SPATA2: variants seen among roughly 807,000 people sequenced by gnomAD.
The protein encoded by SPATA2 is spermatogenesis associated 2.
SPATA2 carries 8 observed loss-of-function variants against 35.4 expected under a neutral mutation model. The ratio of observed to expected loss-of-function variants is 0.23; its 90% confidence interval spans 0.13 to 0.41. The LOEUF (loss-of-function observed/expected upper bound fraction) is 0.41, where lower values mean the gene tolerates loss of function less well. Ranked by LOEUF, SPATA2 falls within the 10% of genes least tolerant of loss-of-function variation. The pLI is 1.00. For synonymous variants in SPATA2, 293 were observed against 300.9 expected (o/e 0.97, Z 0.27); for missense variants, 650 against 698.7 (o/e 0.93, Z 0.79).
Position 49,905,551 on chromosome 20 carries a change from A to C in SPATA2, c.*68T>G. On this transcript the variant is annotated 3_prime_UTR_variant, in exon 3 of 3. Coordinates refer to ENST00000289431, the MANE Select transcript of SPATA2 (RefSeq NM_006038.4). ...CCGCCTCTGAGATCAATGCGTTAGT[A>C]CTTCTTCACCGTGAAACCCGAAAGG... The C allele has an allele frequency of 6.5e-7, 1 of 1,549,402 alleles. No individual in the cohort carries two copies. Among genetic ancestry groups the C allele is most frequent in the Non-Finnish European group, 8.8e-7 (1 of 1,135,140 alleles).
chr20:49,912,429 G>A (rs2146836367), intron 1 of SPATA2, among the ~76,000 whole-genome samples: 1 of 152,334 alleles, frequency 6.6e-6, no homozygotes, highest in East Asian at 1.9e-4. Flanking sequence ...CTGGGCAACA[G>A]AGCAAAAACT....
rs771579156 is a variant in SPATA2, at chr20:49,906,113, C to G, written c.1069G>C (p.Val357Leu). Residue 357 changes from valine to leucine, a missense_variant, in exon 3 of 3, where the codon GTG becomes CTG. Physicochemically the swap from Val to Leu is conservative, Grantham distance 32. Coordinates refer to ENST00000289431, the MANE Select transcript of SPATA2 (RefSeq NM_006038.4). The surrounding 1 kb of genome is among the most constrained non-coding windows in gnomAD (Gnocchi z 8.2). ...YRRQDALRPD[V>L]WLLRNDAHSL... ...TGGGCATCGTTTCTGAGCAGCCACA[C>G]ATCCGGCCGCAGAGCATCCTGCCGA... The G allele has an allele frequency of 1.3e-5, 21 of 1,612,122 alleles. No homozygotes were observed. Among genetic ancestry groups the G allele is most frequent in the Non-Finnish European group, 1.8e-5 (21 of 1,179,600 alleles).
chr20:49,910,171 G>A (rs935764028), intron 1 of SPATA2, among the ~76,000 whole-genome samples: 9 of 152,220 alleles, frequency 5.9e-5, no homozygotes, highest in Non-Finnish European at 8.8e-5. Context: ...AACACGCGCA[G>A]GGTCACGGAC....
chr20:49,912,460 G>A (rs1318294084), intron 1 of SPATA2, among the ~76,000 whole-genome samples: 1 of 152,150 alleles, frequency 6.6e-6, no homozygotes, highest in Non-Finnish European at 1.5e-5. Flanking sequence ...ATAAATAAAT[G>A]TATTGCACCA....
At position 49,905,977 on chromosome 20, in the gene SPATA2, A is replaced by T; in HGVS notation, c.1205T>A (p.Leu402His). 1 of 1,608,284 alleles carries T rather than the reference A, an allele frequency of 6.2e-7. No individual in the cohort carries two copies. Among genetic ancestry groups the T allele is most frequent in the East Asian group, 2.2e-5 (1 of 44,882 alleles). ...SSLCQRCDSLLTCPPASKPSA... is the reference protein window; with the variant it reads ...SSLCQRCDSLHTCPPASKPSA... ...GGGCTTGGAAGCTGGAGGACAGGTG[A>T]GCAGGCTGTCACAGCGCTGGCAGAG... Residue 402 changes from leucine (L) to histidine (H), a missense_variant, in exon 3 of 3, where the codon CTC (leucine) becomes CAC (histidine). Transcript: ENST00000289431.
Position 49,906,535 on chromosome 20 carries a change from T to C in SPATA2, c.647A>G (p.Glu216Gly), listed in dbSNP as rs1170842146. The change falls in exon 3 of 3, where the codon GAG (glutamate) becomes GGG (glycine). Residue 216 changes from glutamate (E) to glycine (G), a missense_variant. Transcript: ENST00000289431. This position sits in a 1 kb window ranked among gnomAD's most constrained non-coding sequence, Gnocchi z 8.2. ...GGAGGCCGTCAGGTGCTCCCGGCCC[T>C]CTGCCCGCCGCCGCAGGGCGTCCGA... ...GCSDALRRRA[E>G]GREHLTASMS... 3.1e-6 allele frequency: 5 copies of C among 1,612,934 alleles called. No homozygotes were observed. The East Asian group carries it at 8.9e-5, about 29-fold the overall frequency.
chr20:49,906,090 G>A lies in SPATA2; in HGVS notation c.1092C>T (p.Ala364=). 1 of 1,610,590 alleles carries A rather than the reference G, an allele frequency of 6.2e-7. No homozygotes were observed. Among genetic ancestry groups the A allele is most frequent in the Non-Finnish European group, 8.5e-7 (1 of 1,179,746 alleles). ...GCGAGCGCTTGTGGTAGAGGGAGTG[G>A]GCATCGTTTCTGAGCAGCCACACAT... ...RPDVWLLRND[A]HSLYHKRSPP... Residue 364 remains alanine (A), a synonymous_variant, in exon 3 of 3, where the codon GCC becomes GCT. Coordinates refer to ENST00000289431, the MANE Select transcript of SPATA2 (RefSeq NM_006038.4). This position sits in a 1 kb window ranked among gnomAD's most constrained non-coding sequence, Gnocchi z 8.2.
chr20:49,905,847 G>A lies in SPATA2; in HGVS notation c.1335C>T (p.His445=), dbSNP rs2090138311. ...TGGAGGGCTTGGATTTGGAGTGAAG[G>A]TGCGGGAGGCGGTCGAGGCCCTGAG... The part of the protein sequence containing the change: ...GQTQGLDRLP[H]LHSKSKPSTT... The change falls in exon 3 of 3, where the codon CAC becomes CAT. Residue 445 remains histidine (H), a synonymous_variant. Transcript: ENST00000289431. The A allele has an allele frequency of 9.9e-6, 16 of 1,614,110 alleles. No individual in the cohort carries two copies. The highest frequency in any genetic ancestry group is 1.3e-5 in the Non-Finnish European group (15 of 1,180,044).
rs568823860 is a variant in SPATA2 at position 49,907,260 on chromosome 20, C to T, written c.337-415G>A. On this transcript the variant is annotated intron_variant, in intron 2 of 2. Transcript: ENST00000289431. ...GTTTTTAGTAGAGATGGGGTTTCACCGTGCTGGTCAAGCTGGTCTCAAACT... is the reference window on the plus strand; with the variant it reads ...GTTTTTAGTAGAGATGGGGTTTCACTGTGCTGGTCAAGCTGGTCTCAAACT... Among the ~76,000 whole-genome samples, 5 of 152,260 alleles carry T rather than the reference C, an allele frequency of 3.3e-5. No individual in the cohort carries two copies. In the South Asian group the frequency reaches 6.2e-4, roughly 19 times the overall value.
intron 1 of SPATA2, chr20:49,913,645 C>G (rs1470124637): frequency 6.6e-6 from 1 of 152,206 alleles, no homozygotes; most frequent in Non-Finnish European, 1.5e-5. Context: ...GCGGCGCGAG[C>G]AGAGTTGAGT....
In SPATA2 at chr20:49,904,530, T is replaced by A. The variant is rs2090128670; in HGVS notation, c.*1089A>T. ...TCCGACAGGTGAGGTCCCTGAATTG[T>A]CATAGGTTAGCAGTCTGCAGACACA... On this transcript the variant is annotated 3_prime_UTR_variant, in exon 3 of 3. Coordinates refer to ENST00000289431, the MANE Select transcript of SPATA2 (RefSeq NM_006038.4). The A allele has an allele frequency of 6.6e-6, 1 of 152,656 alleles. No individual in the cohort carries two copies. Among genetic ancestry groups the A allele is most frequent in the African/African-American group, 2.4e-5 (1 of 41,434 alleles). The allele number at this position is 152,656 out of a possible 1,614,324, so 9.5% of individuals were successfully genotyped here. A position where few individuals can be genotyped will look rare whatever the true frequency, so the allele number is the denominator to read the frequency against.
chr20:49,913,841 G>A (rs2090194528), intron 1 of SPATA2: 1 of 152,150 alleles, frequency 6.6e-6, no homozygotes, highest in Non-Finnish European at 1.5e-5. Context: ...ATGCCTTGTA[G>A]CTGGTCATAG....
At chr20:49,912,105 C>CAT (rs2090185035) in intron 1 of SPATA2, among the ~76,000 whole-genome samples, 2 of 152,164 alleles carry the variant, frequency 1.3e-5, no homozygotes, top group Non-Finnish European at 2.9e-5. Flanking sequence ...GCTCTAACTT[C>CAT]ATACTGTTCT....
intron 1 of SPATA2, chr20:49,913,871 C>T (rs1289388365): frequency 1.3e-5 from 2 of 152,054 alleles, no homozygotes; most frequent in Non-Finnish European, 2.9e-5. Context: ...TTTCTGAGCA[C>T]AGAGCCAGCA....
chr20:49,914,223 T>C (rs1157918724), intron 1 of SPATA2, among the ~76,000 whole-genome samples: 1 of 151,988 alleles, frequency 6.6e-6, no homozygotes, highest in Admixed American at 6.6e-5. Flanking sequence ...GCTTCTTTAG[T>C]TATTTTTTGA....
In SPATA2 at chr20:49,906,208, C is replaced by T. The variant is rs764318852; in HGVS notation, c.974G>A (p.Arg325His). The T allele has an allele frequency of 2.0e-5, 31 of 1,575,066 alleles. No homozygotes were observed. Among genetic ancestry groups the T allele is most frequent in the South Asian group, 5.9e-5 (5 of 84,330 alleles). ...ASPSNGPALL[R>H]GTYFSTQDDV... Reference sequence around the variant, plus strand: ...ATCCTGAGTGGAGAAGTAGGTACCGCGCAGCAGGGCCGGGCCGTTGCTGGG... The same window carrying T: ...ATCCTGAGTGGAGAAGTAGGTACCGTGCAGCAGGGCCGGGCCGTTGCTGGG... Residue 325 changes from arginine (R) to histidine (H), a missense_variant, in exon 3 of 3, where the codon CGC becomes CAC. Physicochemically the swap from Arg to His is conservative, Grantham distance 29 (BLOSUM62 0). Coordinates refer to ENST00000289431, the MANE Select transcript of SPATA2 (RefSeq NM_006038.4). The surrounding 1 kb of genome is among the most constrained non-coding windows in gnomAD (Gnocchi z 8.2).
chr20:49,906,462 C>G lies in SPATA2; in HGVS notation c.720G>C (p.Lys240Asn). Residue 240 changes from lysine (K) to asparagine (N), a missense_variant, in exon 3 of 3, where the codon AAG becomes AAC. Lys to Asn is a moderately conservative substitution (Grantham distance 94, BLOSUM62 0). Coordinates refer to ENST00000289431, the MANE Select transcript of SPATA2 (RefSeq NM_006038.4). The surrounding 1 kb of genome is among the most constrained non-coding windows in gnomAD (Gnocchi z 8.2). ...TGGTCACGCGGGGCTTGTAGTAGTC[C>G]TTGGCCGCCCGCTCGCTGGCCGACT... ...LQKSASERAA[K>N]DYYKPRVTKP... The G allele has an allele frequency of 6.2e-7, 1 of 1,611,366 alleles. No individual in the cohort carries two copies.
chr20:49,906,346 A>G lies in SPATA2; in HGVS notation c.836T>C (p.Val279Ala), dbSNP rs1268182299. Residue 279 changes from valine to alanine, a missense_variant, in exon 3 of 3, where the codon GTG becomes GCG. Physicochemically the swap from Val to Ala is moderately conservative, Grantham distance 64 (BLOSUM62 0). Transcript: ENST00000289431. The surrounding 1 kb of genome is among the most constrained non-coding windows in gnomAD (Gnocchi z 8.2). ...KASLSLRKEP[V>A]ATDVGDDLKD... ...GAGGTCGTCCCCCACATCCGTTGCCACAGGCTCCTTCCGAAGACTCAATGA... is the reference window on the plus strand; with the variant it reads ...GAGGTCGTCCCCCACATCCGTTGCCGCAGGCTCCTTCCGAAGACTCAATGA... The G allele has an allele frequency of 6.2e-7, 1 of 1,612,470 alleles. No homozygotes were observed. Among genetic ancestry groups the G allele is most frequent in the East Asian group, 2.2e-5 (1 of 44,830 alleles).
At chr20:49,914,757 C>G (rs1205310165) in intron 1 of SPATA2, among the ~76,000 whole-genome samples, 2 of 152,220 alleles carry the variant, frequency 1.3e-5, no homozygotes, top group African/African-American at 4.8e-5. Context: ...CTGGCGGCTG[C>G]TAAGTCCCAG....
Sources: gnomAD v4.1 joint callset for allele counts (sites outside exome capture counted in the v4.1 genomes callset) on GRCh38, gnomAD v4.1.1 for gene constraint, Gnocchi (gnomAD v3.1) non-coding constraint, MANE v1.5 for transcripts, NCBI Gene and HGNC (gene_info 2026-07-23, HGNC 2026-07-21) for gene names.